The following FBXO25 variants were observed in gnomAD, a reference collection of about 807,000 sequenced individuals.
FBXO25 encodes F-box only protein 25.
Under a neutral mutation model 51.9 loss-of-function variants are expected in FBXO25, and 45 were observed. The ratio of observed to expected loss-of-function variants is 0.87; its 90% CI spans 0.68 to 1.11. FBXO25 has a LOEUF of 1.11. Ranked by LOEUF, FBXO25 falls within the 50% of genes most tolerant of loss-of-function variation. The pLI is 0.00. For synonymous variants in FBXO25, 199 were observed against 151.0 expected, an observed-to-expected ratio of 1.32 and a Z score of -2.33; for missense variants, 507 against 428.5, an observed-to-expected ratio of 1.18 and a Z score of -1.62.
chr8:414,995 G>A (rs1035136178), intron 2 of FBXO25, among the ~76,000 whole-genome samples: 6 of 152,160 alleles, frequency 3.9e-5, no homozygotes, highest in African/African-American at 1.4e-4. Flanking sequence ...GATGTTTAAT[G>A]TATCCTTTCT....
intron 7 of FBXO25, among the ~76,000 whole-genome samples, chr8:456,585 C>T (rs1563093350): frequency 6.6e-6 from 1 of 152,114 alleles, no homozygotes; most frequent in Non-Finnish European, 1.5e-5. Context: ...TGCGTGGGTC[C>T]CATCAGCTGT....
intron 5 of FBXO25, among the ~76,000 whole-genome samples, chr8:441,514 A>G (rs1275729107): frequency 6.6e-6 from 1 of 152,236 alleles, no homozygotes; most frequent in Non-Finnish European, 1.5e-5. Context: ...AAAATTGACA[A>G]ATGGGATCTA....
intron 5 of FBXO25, among the ~76,000 whole-genome samples, chr8:449,431 C>T (rs760054069): frequency 3.9e-5 from 6 of 152,174 alleles, no homozygotes; most frequent in African/African-American, 1.2e-4. Context: ...ACAAATTCTA[C>T]AATTTTGTAT....
rs985341084 is a variant in FBXO25 at position 473,816 on chromosome 8, G to A, written c.*5012G>A. 1 of 152,120 alleles carries A rather than the reference G, an allele frequency of 6.6e-6. No individual in the cohort carries two copies. The highest frequency in any genetic ancestry group is 1.5e-5 in the Non-Finnish European group (1 of 68,032). The allele number at this position is 152,120 out of a possible 1,614,324, so 9.4% of individuals were successfully genotyped here. On this transcript the variant is annotated 3_prime_UTR_variant, in exon 10 of 10. Transcript: ENST00000350302. ...GAGACACCTCAACTGTCTCGTTTTTGCATGGAAATTTCATTTTTATTTGAT... is the reference window on the plus strand; with the variant it reads ...GAGACACCTCAACTGTCTCGTTTTTACATGGAAATTTCATTTTTATTTGAT...
chr8:467,953 C>T (rs975962236), intron 9 of FBXO25: 6 of 1,412,028 alleles, frequency 4.2e-6, no homozygotes, highest in East Asian at 2.6e-5. Context: ...TTTTGCAGAA[C>T]AACACCTGAG....
At chr8:435,813 T>C in intron 5 of FBXO25, 106 bp downstream of exon 5, 1 of 1,480,562 alleles carries the variant, frequency 6.8e-7, no homozygotes, top group East Asian at 2.4e-5. Flanking sequence ...CTTGAAGGTG[T>C]GCCTGTTTGC....
chr8:428,859 T>C (rs1047052664), intron 2 of FBXO25, among the ~76,000 whole-genome samples: 2 of 152,230 alleles, frequency 1.3e-5, no homozygotes, highest in Non-Finnish European at 2.9e-5. Context: ...TGTTGTAGCA[T>C]GTGTCAGCAT....
At chr8:430,073 G>A (rs985366489) in intron 2 of FBXO25, among the ~76,000 whole-genome samples, 2 of 152,190 alleles carry the variant, frequency 1.3e-5, no homozygotes, top group Admixed American at 6.5e-5. Flanking sequence ...CTCCCTGTAC[G>A]TATGAGATTA....
chr8:429,634 AC>A (rs1797698383), intron 2 of FBXO25, among the ~76,000 whole-genome samples: 1 of 152,226 alleles, frequency 6.6e-6, no homozygotes, highest in East Asian at 1.9e-4. Context: ...TGTTTACCTG[AC>A]AGTGTAAAAC....
At chr8:468,237 T>A in intron 9 of FBXO25, 1 of 1,010,474 alleles carries the variant, frequency 9.9e-7, no homozygotes, top group Non-Finnish European at 1.2e-6. Flanking sequence ...GCTGAGGCCG[T>A]GTGTCCCCCT....
At chr8:449,165 A>G (rs1291692297) in intron 5 of FBXO25, among the ~76,000 whole-genome samples, 1 of 152,284 alleles carries the variant, frequency 6.6e-6, no homozygotes, top group African/African-American at 2.4e-5. Context: ...ACAGAGATTT[A>G]CAAAAGTTGA....
At chr8:435,839 A>G in intron 5 of FBXO25, 132 bp downstream of exon 5, 1 of 1,329,310 alleles carries the variant, frequency 7.5e-7, no homozygotes, top group African/African-American at 1.5e-5. Context: ...ATTAATCAAA[A>G]AACAGAAGGG....
intron 7 of FBXO25, among the ~76,000 whole-genome samples, chr8:455,678 A>G (rs1343613216): frequency 3.9e-5 from 6 of 152,238 alleles, no homozygotes; most frequent in Admixed American, 6.5e-5. Context: ...GTTGCATGCA[A>G]TAGCTGAGAC....
intron 2 of FBXO25, among the ~76,000 whole-genome samples, chr8:418,617 T>A (rs1252547032): frequency 6.6e-6 from 1 of 152,090 alleles, no homozygotes; most frequent in African/African-American, 2.4e-5. Flanking sequence ...TGGGATTACA[T>A]GCGTGAGCCA....
chr8:440,053 A>G (rs1230964587), intron 5 of FBXO25, among the ~76,000 whole-genome samples: 1 of 152,220 alleles, frequency 6.6e-6, no homozygotes, highest in Non-Finnish European at 1.5e-5. Context: ...CGCATGGGAA[A>G]GATGCTTAGT....
intron 5 of FBXO25, among the ~76,000 whole-genome samples, chr8:446,501 G>A (rs1798747633): frequency 6.6e-6 from 1 of 152,098 alleles, no homozygotes; most frequent in Non-Finnish European, 1.5e-5. Flanking sequence ...AATCTGAATC[G>A]CATCCGCCAG....
rs1333757525 is a variant in FBXO25, at chr8:472,246, C to G, written c.*3442C>G. Reference sequence around the variant, plus strand: ...AGGTTGGGGAGGTTCCCTTCTATTCCTAGTTTGTTTTTATCGTGAAAGGGT... The same window carrying G: ...AGGTTGGGGAGGTTCCCTTCTATTCGTAGTTTGTTTTTATCGTGAAAGGGT... On this transcript the variant is annotated 3_prime_UTR_variant, in exon 10 of 10. Transcript: ENST00000350302. The G allele has an allele frequency of 6.6e-6, 1 of 152,118 alleles. No individual in the cohort carries two copies. Among genetic ancestry groups the G allele is most frequent in the Non-Finnish European group, 1.5e-5 (1 of 68,030 alleles). 9.4% of individuals were successfully genotyped at this position (152,118 alleles called of 1,614,324 possible).
rs1426831960 is a variant in FBXO25, at chr8:477,333, A to G, written c.*8529A>G. Reference sequence around the variant, plus strand: ...GACTGATCTTCTGTCTGGTTGTCCTATCCGTTACTGAAAGTGGGCTACTGC... The same window carrying G: ...GACTGATCTTCTGTCTGGTTGTCCTGTCCGTTACTGAAAGTGGGCTACTGC... On this transcript the variant is annotated 3_prime_UTR_variant, in exon 10 of 10. Coordinates refer to ENST00000350302, the MANE Select transcript of FBXO25 (RefSeq NM_183420.2). 6.6e-6 allele frequency: 1 copy of G among 152,172 alleles called. No individual in the cohort carries two copies. The highest frequency in any genetic ancestry group is 1.5e-5 in the Non-Finnish European group (1 of 68,040). The allele number at this position is 152,172 out of a possible 1,614,324, so 9.4% of individuals were successfully genotyped here.
intron 5 of FBXO25, among the ~76,000 whole-genome samples, chr8:442,591 T>C (rs1312825562): frequency 6.6e-6 from 1 of 152,094 alleles, no homozygotes; most frequent in Non-Finnish European, 1.5e-5. Context: ...TGCCTCAGCT[T>C]CCCGAGTAGC....
Sources: gnomAD v4.1 joint callset for allele counts (sites outside exome capture counted in the v4.1 genomes callset) on GRCh38, gnomAD v4.1.1 for gene constraint, MANE v1.5 for transcripts, NCBI Gene and HGNC (gene_info 2026-07-23, HGNC 2026-07-21) for gene names.